CRACD: variants seen among roughly 807,000 people sequenced by gnomAD.
The protein encoded by CRACD is capping protein inhibiting regulator of actin dynamics.
A neutral mutation model predicts 106.8 loss-of-function variants in CRACD; 56 were observed. The observed-to-expected ratio is 0.52, with a 90% CI of 0.42 to 0.66. The LOEUF (loss-of-function observed/expected upper bound fraction) is 0.66. CRACD is among the 30% of genes least tolerant of loss of function. The probability of loss-of-function intolerance (pLI) is 0.00; values close to 1 mark genes in which losing one functional copy is unlikely to be tolerated. For missense variants in CRACD, 1,730 were observed against 1,623.2 expected, an observed-to-expected ratio of 1.07 and a Z score of -1.13; for synonymous variants, 754 against 670.8, an observed-to-expected ratio of 1.12 and a Z score of -1.92.
Position 56,315,291 on chromosome 4 carries a change from C to G in CRACD, c.1789C>G (p.Leu597Val). 1.2e-6 allele frequency: 2 copies of G among 1,613,610 alleles called. No individual in the cohort carries two copies. The highest frequency in any genetic ancestry group is 1.7e-6 in the Non-Finnish European group (2 of 1,179,872). ...SSLSVPHTAI[L>V]VTGAQLCGPA... ...CCTGAGCGTTCCCCACACCGCCATT[C>G]TGGTCACGGGCGCGCAGCTCTGTGG... Residue 597 changes from leucine (L) to valine (V), a missense_variant, in exon 8 of 11, where the codon CTG (leucine) becomes GTG (valine). This residue lies in a region of CRACD where 1,620 missense variants were observed against 1,481.6 expected (regional missense o/e 1.09). Transcript: ENST00000682029. The surrounding 1 kb of genome is among the most constrained non-coding windows in gnomAD (Gnocchi z 4.1).
chr4:56,125,533 C>T (rs1734629324), intron 1 of CRACD, among the ~76,000 whole-genome samples: 2 of 152,208 alleles, frequency 1.3e-5, no homozygotes, highest in South Asian at 2.1e-4. Flanking sequence ...GTCCTCCCAC[C>T]TCAGCCTTCT....
chr4:56,126,399 T>G (rs996683503), intron 1 of CRACD, among the ~76,000 whole-genome samples: 10 of 152,158 alleles, frequency 6.6e-5, no homozygotes, highest in Admixed American at 2.0e-4. Flanking sequence ...CCCTTCAACT[T>G]TGCTTAGACA....
intron 1 of CRACD, among the ~76,000 whole-genome samples, chr4:56,175,229 GT>G (rs1736534081): frequency 2.6e-5 from 4 of 152,152 alleles, no homozygotes; most frequent in African/African-American, 4.8e-5. Flanking sequence ...TCTCTTCTTA[GT>G]TTTTTGAGGA....
intron 2 of CRACD, among the ~76,000 whole-genome samples, chr4:56,226,498 T>C (rs1313710519): frequency 6.6e-6 from 1 of 152,188 alleles, no homozygotes; most frequent in African/African-American, 2.4e-5. Flanking sequence ...GCAATAAATT[T>C]CATTATGATG....
At chr4:56,224,753 G>T (rs1321371726) in intron 2 of CRACD, among the ~76,000 whole-genome samples, 1 of 152,120 alleles carries the variant, frequency 6.6e-6, no homozygotes, top group Non-Finnish European at 1.5e-5. Flanking sequence ...ACTTAATCCT[G>T]CTTCAAACAT....
chr4:56,230,827 TACA>T (rs1380258004), intron 2 of CRACD, among the ~76,000 whole-genome samples: 2 of 152,220 alleles, frequency 1.3e-5, no homozygotes, highest in Non-Finnish European at 2.9e-5. Context: ...AGCCTACAAC[TACA>T]ACAAAATATA....
At chr4:56,207,562 G>A (rs543113759) in intron 2 of CRACD, among the ~76,000 whole-genome samples, 1 of 151,824 alleles carries the variant, frequency 6.6e-6, no homozygotes, top group African/African-American at 2.4e-5. Flanking sequence ...AAGGCATAAG[G>A]TTGTCCATGT....
chr4:56,315,963 G>A lies in CRACD; in HGVS notation c.2461G>A (p.Asp821Asn), dbSNP rs751693468. ...VAHTEFTTSSDSETANGIAKP... is the reference protein window; with the variant it reads ...VAHTEFTTSSNSETANGIAKP... ...CCACACAGAGTTCACGACCTCGTCG[G>A]ACAGCGAGACTGCAAACGGGATAGC... The change falls in exon 8 of 11, where the codon GAC (aspartate) becomes AAC (asparagine). Residue 821 changes from aspartate (D) to asparagine (N), a missense_variant. Transcript: ENST00000682029. The surrounding 1 kb of genome is among the most constrained non-coding windows in gnomAD (Gnocchi z 4.1). 1.9e-6 allele frequency: 3 copies of A among 1,614,230 alleles called. No individual in the cohort carries two copies. In the Admixed American group the frequency reaches 5.0e-5, roughly 27 times the overall value.
Position 56,145,185 on chromosome 4 carries a change from A to G in CRACD, c.-335-34099A>G, listed in dbSNP as rs532714343. Among the ~76,000 whole-genome samples the G allele has an allele frequency of 2.6e-5, 4 of 152,286 alleles. No homozygotes were observed. The South Asian group carries it at 8.3e-4, about 32-fold the overall frequency. On this transcript the variant is annotated intron_variant, in intron 1 of 10. Transcript: ENST00000682029. ...ATATCTGTGTTAAATCCCATTTTTT[A>G]TTCCAAGTGCTCCATATTCATATTT...
At chr4:56,208,910 A>G (rs6846995) in intron 2 of CRACD, among the ~76,000 whole-genome samples, 71,230 of 152,012 alleles carry the variant, frequency 0.47, 19,150 homozygotes, top group African/African-American at 0.72. Flanking sequence ...TCTCTGATAG[A>G]GGAGACGCAG....
At chr4:56,205,757 C>T (rs1356256309) in intron 2 of CRACD, among the ~76,000 whole-genome samples, 1 of 152,138 alleles carries the variant, frequency 6.6e-6, no homozygotes, top group African/African-American at 2.4e-5. Context: ...AGATTACAGC[C>T]ATGATCTACC....
At position 56,330,062 on chromosome 4, in the gene CRACD, T is replaced by C. The variant is rs1746707450; in HGVS notation, c.*2258T>C. Among the ~76,000 whole-genome samples the C allele has an allele frequency of 6.6e-6, 1 of 152,194 alleles. No individual in the cohort carries two copies. The highest frequency in any genetic ancestry group is 1.5e-5 in the Non-Finnish European group (1 of 68,026). On this transcript the variant is annotated 3_prime_UTR_variant, in exon 11 of 11. Transcript: ENST00000682029. ...TTTCAAAATCACCCCAAATTTGCACTAAATACCAATGAAGTGTTATTTTGC... is the reference window on the plus strand; with the variant it reads ...TTTCAAAATCACCCCAAATTTGCACCAAATACCAATGAAGTGTTATTTTGC...
intron 2 of CRACD, among the ~76,000 whole-genome samples, chr4:56,228,483 C>T (rs1340311037): frequency 6.6e-6 from 1 of 151,782 alleles, no homozygotes; most frequent in Non-Finnish European, 1.5e-5. Flanking sequence ...CCTAAGTCGG[C>T]CAGGATGGTA....
At chr4:56,289,625 G>A (rs751159543) in intron 3 of CRACD, among the ~76,000 whole-genome samples, 65 of 150,874 alleles carry the variant, frequency 4.3e-4, no homozygotes, top group African/African-American at 1.5e-3. Flanking sequence ...AGTGAGCAGA[G>A]AGACCACTGC....
rs534976381 is a variant in CRACD, at chr4:56,098,485, A to G, written c.-336+49186A>G. 2.1e-4 allele frequency among the ~76,000 whole-genome samples: 32 copies of G among 152,284 alleles called. No individual in the cohort carries two copies. The East Asian group carries it at 3.5e-3, about 17-fold the overall frequency. The stretch of plus-strand genomic sequence containing the variant: ...TTCTACAAAGTGTGATAACTTTAAA[A>G]AAGCAAATTAATTACTGAAGGTTTT... On this transcript the variant is annotated intron_variant, in intron 1 of 10. Coordinates refer to ENST00000682029, the MANE Select transcript of CRACD (RefSeq NM_001393381.1).
intron 1 of CRACD, among the ~76,000 whole-genome samples, chr4:56,143,152 G>GT (rs891795670): frequency 5.3e-5 from 8 of 150,284 alleles, no homozygotes; most frequent in African/African-American, 9.7e-5. Context: ...TGTAATCTCT[G>GT]TTTTTTTTTG....
chr4:56,171,197 C>A (rs1364083111), intron 1 of CRACD, among the ~76,000 whole-genome samples: 1 of 151,850 alleles, frequency 6.6e-6, no homozygotes, highest in Admixed American at 6.6e-5. Context: ...CACACCAACA[C>A]TGCACATGTA....
At chr4:56,108,476 G>A (rs971814635) in intron 1 of CRACD, among the ~76,000 whole-genome samples, 8 of 152,186 alleles carry the variant, frequency 5.3e-5, no homozygotes, top group Non-Finnish European at 1.2e-4. Flanking sequence ...GCCCTACGGG[G>A]CTTAGCGGGT....
chr4:56,314,976 C>A lies in CRACD; in HGVS notation c.1474C>A (p.Leu492Met). 8 of 1,588,266 alleles carry A rather than the reference C, an allele frequency of 5.0e-6. No individual in the cohort carries two copies. The highest frequency in any genetic ancestry group is 6.8e-6 in the Non-Finnish European group (8 of 1,168,694). Residue 492 changes from leucine to methionine, a missense_variant, in exon 8 of 11, where the codon CTG becomes ATG. Coordinates refer to ENST00000682029, the MANE Select transcript of CRACD (RefSeq NM_001393381.1). This position sits in a 1 kb window ranked among gnomAD's most constrained non-coding sequence, Gnocchi z 4.4. The stretch of plus-strand genomic sequence containing the variant: ...AGAAGAAGGGGACACGGAGCCTCTC[C>A]TGAAACAAGAGGGGCCGGTGGAAGC... ...KREEGDTEPLLKQEGPVEAAQ... is the reference protein window; with the variant it reads ...KREEGDTEPLMKQEGPVEAAQ...
Sources: allele counts gnomAD v4.1 joint callset (sites outside exome capture counted in the v4.1 genomes callset), GRCh38; gene constraint gnomAD v4.1.1; regional missense constraint gnomAD v4.1.1; non-coding constraint Gnocchi (gnomAD v3.1); transcripts MANE v1.5; gene names NCBI Gene and HGNC (gene_info 2026-07-23, HGNC 2026-07-21).